The following HIGD2B variants were observed in gnomAD, a reference collection of about 807,000 sequenced individuals.
The protein encoded by HIGD2B is HIG1 domain family member 2B.
For missense variants in HIGD2B, 106 were observed against 67.0 expected (o/e 1.58, Z -2.03); for synonymous variants, 45 against 28.1 (o/e 1.60, Z -1.90).
In HIGD2B at chr15:72,675,934, C is replaced by A; in HGVS notation, c.*120G>T. 4 of 598,336 alleles carry A rather than the reference C, an allele frequency of 6.7e-6. No individual in the cohort carries two copies. Among genetic ancestry groups the A allele is most frequent in the Non-Finnish European group, 9.0e-6 (3 of 334,572 alleles). The allele number at this position is 598,336 out of a possible 1,614,324, so 37.1% of individuals were successfully genotyped here. ...TCAGTTATGGTTACAGGAAGGGTCA[C>A]TTCCTCCCCCAACGACACAGGGACC... On this transcript the variant is annotated 3_prime_UTR_variant, in exon 3 of 3. Transcript: ENST00000311755.
At position 72,686,161 on chromosome 15, in the gene HIGD2B, A is replaced by G; in HGVS notation, c.-536T>C. 1 of 1,506,326 alleles carries G rather than the reference A, an allele frequency of 6.6e-7. No homozygotes were observed. Among genetic ancestry groups the G allele is most frequent in the Non-Finnish European group, 9.0e-7 (1 of 1,111,540 alleles). The allele number at this position is 1,506,326 out of a possible 1,614,324, so 93.3% of individuals were successfully genotyped here. On this transcript the variant is annotated 5_prime_UTR_variant, in exon 1 of 3. Coordinates refer to ENST00000311755, the MANE Select transcript of HIGD2B (RefSeq NM_001350932.3). Reference sequence around the variant, plus strand: ...CCTCACAGTCCTCCACAGCCCTACGACTTCCGCTTGCCTCGTCGTCTGGGA... The same window carrying G: ...CCTCACAGTCCTCCACAGCCCTACGGCTTCCGCTTGCCTCGTCGTCTGGGA...
In HIGD2B at chr15:72,678,947, T is replaced by C. The variant is rs1372442578; in HGVS notation, c.-14+1068A>G. On this transcript the variant is annotated intron_variant, in intron 2 of 2. Transcript: ENST00000311755. The stretch of plus-strand genomic sequence containing the variant: ...AGGAATTCGAGGCTACAATGAGCCA[T>C]GATTGTGCCACTGCATTTCAGCCTG... 2.0e-5 allele frequency among the ~76,000 whole-genome samples: 3 copies of C among 150,684 alleles called. No individual in the cohort carries two copies. The East Asian group carries it at 5.9e-4, about 30-fold the overall frequency.
chr15:72,677,546 G>C (rs1326314670), intron 2 of HIGD2B, among the ~76,000 whole-genome samples: 1 of 152,084 alleles, frequency 6.6e-6, no homozygotes, highest in Non-Finnish European at 1.5e-5. Context: ...AGGATCACTT[G>C]AACCTAGGAG....
At chr15:72,684,498 T>C (rs1437938163) in intron 1 of HIGD2B, among the ~76,000 whole-genome samples, 2 of 151,942 alleles carry the variant, frequency 1.3e-5, no homozygotes, top group Non-Finnish European at 2.9e-5. Flanking sequence ...TGAAAAAAAA[T>C]TTTTTTGAGA....
intron 1 of HIGD2B, among the ~76,000 whole-genome samples, chr15:72,683,165 T>C (rs1231136706): frequency 2.0e-5 from 3 of 152,240 alleles, no homozygotes; most frequent in Non-Finnish European, 4.4e-5. Context: ...TGAAATAAAT[T>C]GTTGCATCTT....
chr15:72,677,358 G>A (rs941152680), intron 2 of HIGD2B, among the ~76,000 whole-genome samples: 6 of 152,232 alleles, frequency 3.9e-5, no homozygotes, highest in African/African-American at 1.2e-4. Context: ...CCCCGGAGGC[G>A]GAGGTTGCAG....
At chr15:72,685,527 A>G (rs1412489195) in intron 1 of HIGD2B, among the ~76,000 whole-genome samples, 3 of 152,256 alleles carry the variant, frequency 2.0e-5, no homozygotes, top group African/African-American at 7.2e-5. Context: ...GGGGCCAGAC[A>G]GGTAATGGAG....
At chr15:72,684,600 G>C (rs2064788873) in intron 1 of HIGD2B, among the ~76,000 whole-genome samples, 1 of 152,146 alleles carries the variant, frequency 6.6e-6, no homozygotes, top group African/African-American at 2.4e-5. Flanking sequence ...CAATTCTCCT[G>C]CCTCAGCTTC....
Position 72,686,127 on chromosome 15 carries a change from C to G in HIGD2B, c.-502G>C. On this transcript the variant is annotated 5_prime_UTR_variant, in exon 1 of 3. Coordinates refer to ENST00000311755, the MANE Select transcript of HIGD2B (RefSeq NM_001350932.3). ...AGGTCACTCGGCGATTTACTTCCTT[C>G]CCCCGCTTCCTCACAGTCCTCCACA... 1 of 1,257,114 alleles carries G rather than the reference C, an allele frequency of 8.0e-7. No homozygotes were observed. The highest frequency in any genetic ancestry group is 1.1e-6 in the Non-Finnish European group (1 of 889,878). 77.9% of individuals were successfully genotyped at this position (1,257,114 alleles called of 1,614,324 possible). A position where few individuals can be genotyped will look rare whatever the true frequency, so the allele number is the denominator to read the frequency against.
At position 72,686,031 on chromosome 15, in the gene HIGD2B, G is replaced by A. The variant is rs1305780695; in HGVS notation, c.-406C>T. The A allele has an allele frequency of 2.1e-5, 14 of 657,880 alleles. No homozygotes were observed. In the Admixed American group the frequency reaches 2.6e-4, roughly 12 times the overall value. 40.8% of individuals were successfully genotyped at this position (657,880 alleles called of 1,614,324 possible). A position where few individuals can be genotyped will look rare whatever the true frequency, so the allele number is the denominator to read the frequency against. ...CGGGATAAAGGCAGCGAGTGGCTGC[G>A]CATTCCCTCCCCGACTCTTTCAGAG... On this transcript the variant is annotated 5_prime_UTR_variant, in exon 1 of 3. Transcript: ENST00000311755.
rs1007859393 is a variant in HIGD2B, at chr15:72,685,988, G to A, written c.-363C>T. 1.6e-6 allele frequency: 1 copy of A among 606,710 alleles called. No individual in the cohort carries two copies. Among genetic ancestry groups the A allele is most frequent in the African/African-American group, 1.8e-5 (1 of 54,182 alleles). 37.6% of individuals were successfully genotyped at this position (606,710 alleles called of 1,614,324 possible). A position where few individuals can be genotyped will look rare whatever the true frequency, so the allele number is the denominator to read the frequency against. On this transcript the variant is annotated 5_prime_UTR_variant, in exon 1 of 3. Transcript: ENST00000311755. ...ACAGACCATGTACAGACCACGGCGA[G>A]GGGTGTTAGGGGCTTCTCGGGATAA... is the stretch of plus-strand genomic sequence containing the variant.
chr15:72,679,678 G>A (rs1171658968), intron 2 of HIGD2B, among the ~76,000 whole-genome samples: 4 of 151,882 alleles, frequency 2.6e-5, no homozygotes, highest in East Asian at 1.9e-4. Context: ...ACAGACCAGC[G>A]CTCACACTGA....
chr15:72,683,880 A>T (rs2064775335), intron 1 of HIGD2B, among the ~76,000 whole-genome samples: 1 of 137,972 alleles, frequency 7.2e-6, no homozygotes, highest in Non-Finnish European at 1.5e-5. Flanking sequence ...AGAAATTAAT[A>T]ATTTTTCATC....
intron 1 of HIGD2B, among the ~76,000 whole-genome samples, chr15:72,685,364 G>A (rs886627970): frequency 1.3e-5 from 2 of 152,148 alleles, no homozygotes; most frequent in African/African-American, 4.8e-5. Flanking sequence ...CCTCCGTTTT[G>A]TTCATCACAC....
At chr15:72,678,683 G>A (rs2064717099) in intron 2 of HIGD2B, among the ~76,000 whole-genome samples, 1 of 152,074 alleles carries the variant, frequency 6.6e-6, no homozygotes, top group South Asian at 2.1e-4. Context: ...AAAACATAGA[G>A]AAATTAGAGC....
chr15:72,681,667 C>CGCGATCTCATCTCACT (rs2064751897), intron 1 of HIGD2B, among the ~76,000 whole-genome samples: 1 of 144,036 alleles, frequency 6.9e-6, no homozygotes, highest in Non-Finnish European at 1.5e-5. Flanking sequence ...GCAGTGGTGG[C>CGCGATCTCATCTCACT]GCGATCTCAT....
chr15:72,685,149 T>G (rs1291997562), intron 1 of HIGD2B, among the ~76,000 whole-genome samples: 5 of 152,214 alleles, frequency 3.3e-5, no homozygotes, highest in African/African-American at 1.2e-4. Flanking sequence ...TCCTTTCCCC[T>G]TGTATTTGGA....
intron 1 of HIGD2B, among the ~76,000 whole-genome samples, chr15:72,681,174 T>C (rs934336026): frequency 1.3e-5 from 2 of 152,146 alleles, no homozygotes; most frequent in African/African-American, 4.8e-5. Context: ...GGCCCTGTAC[T>C]CTCCAAGCAG....
At chr15:72,683,238 C>G (rs2064767962) in intron 1 of HIGD2B, among the ~76,000 whole-genome samples, 1 of 152,090 alleles carries the variant, frequency 6.6e-6, no homozygotes, top group South Asian at 2.1e-4. Flanking sequence ...AAATTTTGTT[C>G]TGGATGTTGT....
Sources: gnomAD v4.1 joint callset for allele counts (sites outside exome capture counted in the v4.1 genomes callset) on GRCh38, gnomAD v4.1.1 for gene constraint, MANE v1.5 for transcripts, NCBI Gene and HGNC (gene_info 2026-07-23, HGNC 2026-07-21) for gene names.